Variants in PCDH11Y observed in about 807,000 individuals in gnomAD.
PCDH11Y encodes the protein protocadherin 11 Y-linked.
For synonymous variants in PCDH11Y, 9 were observed against 83.6 expected (o/e 0.11, Z 4.87); for missense variants, 12 against 224.8 (o/e 0.05, Z 6.05).
intron 2 of PCDH11Y, chrY:5,207,428 T>A: frequency 3.6e-6 from 1 of 277,548 alleles, no homozygotes; most frequent in South Asian, 3.2e-5. Context: ...TGTTACTGTT[T>A]CCTGCTTGTC....
intron 2 of PCDH11Y, chrY:5,207,307 C>T: frequency 4.4e-6 from 1 of 229,153 alleles, no homozygotes; most frequent in South Asian, 3.4e-5. Flanking sequence ...AGTTTGATAC[C>T]TGGCTTTAGG....
At chrY:5,057,817 T>C in intron 1 of PCDH11Y, among the ~76,000 whole-genome samples, 1 of 31,505 alleles carries the variant, frequency 3.2e-5, no homozygotes, top group Admixed American at 3.0e-4. Flanking sequence ...TCATTAAGAA[T>C]GAATCCATAA....
At chrY:5,022,138 A>G in intron 1 of PCDH11Y, among the ~76,000 whole-genome samples, 1 of 32,603 alleles carries the variant, frequency 3.1e-5, no homozygotes, top group South Asian at 6.9e-4. Context: ...TTGAAAATTT[A>G]GACCCTTTCT....
rs374914075 is a variant in PCDH11Y, at chrY:5,467,294, T to C, written c.3130-33763T>C. ...TGACCAAGCAATAGGATCCTAAGGG[T>C]CCATTTGAAAGGATTTGGAGGAAAT... On this transcript the variant is annotated intron_variant, in intron 2 of 4. Transcript: ENST00000400457. Among the ~76,000 whole-genome samples, 24 of 31,010 alleles carry C rather than the reference T, an allele frequency of 7.7e-4. No individual in the cohort carries two copies. In the East Asian group the frequency reaches 8.2e-3, roughly 11 times the overall value. The allele number at this position is 31,010 out of a possible 37,273, so 83.2% of individuals were successfully genotyped here. A position where few individuals can be genotyped will look rare whatever the true frequency, so the allele number is the denominator to read the frequency against.
intron 2 of PCDH11Y, among the ~76,000 whole-genome samples, chrY:5,377,434 C>T: frequency 3.0e-5 from 1 of 33,487 alleles, no homozygotes; most frequent in Non-Finnish European, 7.4e-5. Flanking sequence ...ATGAACACTT[C>T]TTGATTACTT....
intron 4 of PCDH11Y, among the ~76,000 whole-genome samples, chrY:5,659,661 C>T (rs2124707033): frequency 3.5e-5 from 1 of 28,847 alleles, no homozygotes; most frequent in African/African-American, 1.4e-4. Context: ...AACTATGACA[C>T]GCCTTTCAAG....
intron 1 of PCDH11Y, among the ~76,000 whole-genome samples, chrY:5,016,176 C>T: frequency 3.0e-5 from 1 of 33,512 alleles, no homozygotes; most frequent in Non-Finnish European, 7.4e-5. Context: ...TTGGAAGTAA[C>T]TTAAAACACA....
At chrY:5,230,457 A>G in intron 2 of PCDH11Y, among the ~76,000 whole-genome samples, 1 of 33,095 alleles carries the variant, frequency 3.0e-5, no homozygotes, top group Non-Finnish European at 7.4e-5. Flanking sequence ...CACTTTAAAT[A>G]TGTCATGCCA....
chrY:5,285,933 G>C, intron 2 of PCDH11Y, among the ~76,000 whole-genome samples: 1 of 33,690 alleles, frequency 3.0e-5, no homozygotes, highest in African/African-American at 1.1e-4. Flanking sequence ...GTCAACTTTT[G>C]ATTTATTTCA....
chrY:5,043,248 T>G (rs2124624130), intron 3 of PCDH11Y, among the ~76,000 whole-genome samples: 1 of 33,329 alleles, frequency 3.0e-5, no homozygotes, highest in East Asian at 7.9e-4. Context: ...GCTATGGGTT[T>G]GTCATAGATA....
At chrY:5,713,524 T>G in intron 4 of PCDH11Y, among the ~76,000 whole-genome samples, 1 of 31,695 alleles carries the variant, frequency 3.2e-5, no homozygotes, top group Non-Finnish European at 7.7e-5. Context: ...GTTCCAGAAT[T>G]GTGTGAGATT....
intron 4 of PCDH11Y, among the ~76,000 whole-genome samples, chrY:5,641,755 G>A: frequency 3.1e-5 from 1 of 32,457 alleles, no homozygotes; most frequent in Non-Finnish European, 7.6e-5. Flanking sequence ...TTAGAAAAAC[G>A]GCATGGATAG....
At chrY:5,107,834 T>C (rs1602868427), downstream of PCDH11Y, among the ~76,000 whole-genome samples, 59 of 31,201 alleles carry the variant, frequency 1.9e-3, no homozygotes, top group African/African-American at 5.6e-3. Flanking sequence ...CCGAGGCGGG[T>C]GGATCACGAG....
intron 2 of PCDH11Y, among the ~76,000 whole-genome samples, chrY:5,367,039 C>T (rs2053181036): frequency 3.0e-5 from 1 of 33,523 alleles, no homozygotes; most frequent in African/African-American, 1.2e-4. Flanking sequence ...ACTGGGATTA[C>T]AGGCGTCAGC....
intron 2 of PCDH11Y, among the ~76,000 whole-genome samples, chrY:5,281,460 G>A: frequency 1.4e-4 from 4 of 29,322 alleles, no homozygotes; most frequent in African/African-American, 5.2e-4. Context: ...GATGTTTTCC[G>A]TTTCAAGATA....
At chrY:5,579,547 C>A in intron 3 of PCDH11Y, among the ~76,000 whole-genome samples, 1 of 32,387 alleles carries the variant, frequency 3.1e-5, no homozygotes, top group Non-Finnish European at 7.7e-5. Context: ...TAAAAACAAT[C>A]TTCTTGTTAA....
intron 1 of PCDH11Y, among the ~76,000 whole-genome samples, chrY:5,001,446 C>T (rs2124616756): frequency 5.9e-5 from 2 of 34,188 alleles, no homozygotes; most frequent in East Asian, 1.6e-3. Context: ...ATCCCTTAGC[C>T]AAATAAATAA....
At chrY:5,079,153 G>A (rs2052715101) in intron 1 of PCDH11Y, among the ~76,000 whole-genome samples, 1 of 33,731 alleles carries the variant, frequency 3.0e-5, no homozygotes. Flanking sequence ...GACGCAAGAG[G>A]TAGGTTCCCA....
chrY:5,188,065 T>C, intron 2 of PCDH11Y, among the ~76,000 whole-genome samples: 1 of 33,794 alleles, frequency 3.0e-5, no homozygotes, highest in Non-Finnish European at 7.4e-5. Flanking sequence ...ACCAGTCTCT[T>C]TGCTAGAGCA....
Sources: gnomAD v4.1 joint callset for allele counts (sites outside exome capture counted in the v4.1 genomes callset) on GRCh38, gnomAD v4.1.1 for gene constraint, MANE v1.5 for transcripts, NCBI Gene and HGNC (gene_info 2026-07-23, HGNC 2026-07-21) for gene names.